Variants in TMEM223 observed in about 807,000 individuals in gnomAD.
TMEM223 encodes the protein transmembrane protein 223.
TMEM223 carries 14 observed loss-of-function variants against 14.1 expected under a neutral mutation model. That is an observed-to-expected ratio of 0.99 (90% CI 0.66 to 1.55). TMEM223 has a LOEUF of 1.55. Ranked by LOEUF, TMEM223 falls within the 40% of genes most tolerant of loss-of-function variation. The pLI is 0.00. For synonymous variants in TMEM223, 145 were observed against 120.5 expected, an observed-to-expected ratio of 1.20 and a Z score of -1.33; for missense variants, 346 against 269.9, an observed-to-expected ratio of 1.28 and a Z score of -1.97.
At chr11:62,788,421 C>T (rs1315771729), downstream of TMEM223, among the ~76,000 whole-genome samples, 2 of 149,006 alleles carry the variant, frequency 1.3e-5, no homozygotes, top group Admixed American at 6.7e-5. Flanking sequence ...AACAAAAACA[C>T]TGGCCGGGCC....
intron 1 of TMEM223, chr11:62,775,790 G>C (rs767130143): frequency 6.2e-7 from 1 of 1,608,238 alleles, no homozygotes; most frequent in Non-Finnish European, 8.5e-7. Flanking sequence ...GGCCATGTCA[G>C]AGCGAGAAGA....
At chr11:62,780,300 C>T (rs1290040653) in intron 1 of TMEM223, among the ~76,000 whole-genome samples, 2 of 150,804 alleles carry the variant, frequency 1.3e-5, no homozygotes, top group African/African-American at 4.9e-5. Flanking sequence ...CACCTGAGGT[C>T]AGGAGTTCAA....
At chr11:62,786,386 C>G, downstream of TMEM223, 2 of 1,613,370 alleles carry the variant, frequency 1.2e-6, no homozygotes, top group Non-Finnish European at 1.7e-6. Context: ...TGGAGCCATT[C>G]TGGTGAGTAC....
chr11:62,786,320 C>T, downstream of TMEM223: 1 of 1,614,174 alleles, frequency 6.2e-7, no homozygotes, highest in Non-Finnish European at 8.5e-7. Context: ...GCAGGCTGTG[C>T]TGGATGATTA....
downstream of TMEM223, among the ~76,000 whole-genome samples, chr11:62,788,776 G>A (rs1287415939): frequency 6.6e-6 from 1 of 151,584 alleles, no homozygotes; most frequent in Non-Finnish European, 1.5e-5. Context: ...CATAACTTGT[G>A]AGGCTTCTCT....
At chr11:62,771,898 C>T (rs1338651505) in exon 3 of TMEM223, 4 of 316,158 alleles carry the variant, frequency 1.3e-5, no homozygotes, top group Admixed American at 4.3e-5. Context: ...ACTGCAGCTT[C>T]ACAACGATCT....
chr11:62,782,071 T>C (rs1407830461), intron 1 of TMEM223: 3 of 1,586,634 alleles, frequency 1.9e-6, no homozygotes, highest in East Asian at 2.2e-5. Flanking sequence ...GGCTCCTGCC[T>C]GTCCCCTCAT....
At chr11:62,781,829 G>A in intron 1 of TMEM223, 1 of 1,341,074 alleles carries the variant, frequency 7.5e-7, no homozygotes, top group Non-Finnish European at 1.1e-6. Flanking sequence ...TCTTCCAGAA[G>A]AATACCGCAT....
chr11:62,787,214 A>G (rs765760734), downstream of TMEM223: 1 of 1,588,270 alleles, frequency 6.3e-7, no homozygotes, highest in East Asian at 2.3e-5. Context: ...CGCTACGTGC[A>G]GAAACTGCCC....
downstream of TMEM223, chr11:62,789,613 C>T (rs1325312038): frequency 6.5e-7 from 1 of 1,546,220 alleles, no homozygotes; most frequent in Non-Finnish European, 8.7e-7. Flanking sequence ...GTTCTGAAGC[C>T]CAGAAAATTC....
chr11:62,775,847 G>T (rs1338630202), intron 1 of TMEM223: 1 of 1,613,666 alleles, frequency 6.2e-7, no homozygotes, highest in Non-Finnish European at 8.5e-7. Context: ...GCTCATGGCG[G>T]AGAGCACGGG....
At chr11:62,772,206 A>AG in intron 2 of TMEM223, 1 of 454,336 alleles carries the variant, frequency 2.2e-6, no homozygotes, top group Non-Finnish European at 4.4e-6. Flanking sequence ...TAAAGCACTT[A>AG]GCTGTGTCTC....
exon 3 of TMEM223, chr11:62,771,975 T>A: frequency 2.6e-6 from 1 of 389,376 alleles, no homozygotes; most frequent in Admixed American, 3.1e-5. Flanking sequence ...GATCCAGGCC[T>A]TGTTCCCCAT....
At chr11:62,787,691 G>T, downstream of TMEM223, 3 of 893,468 alleles carry the variant, frequency 3.4e-6, no homozygotes, top group Non-Finnish European at 5.0e-6. Context: ...GGCTAATCGC[G>T]CTTTGTGGCT....
chr11:62,784,354 G>C (rs908551929), downstream of TMEM223, among the ~76,000 whole-genome samples: 1 of 146,192 alleles, frequency 6.8e-6, no homozygotes, highest in African/African-American at 2.5e-5. Flanking sequence ...ACCCAGGCTG[G>C]AGTCCAGTGG....
At chr11:62,789,037 T>C (rs2084325730), downstream of TMEM223, 6 of 1,612,564 alleles carry the variant, frequency 3.7e-6, no homozygotes, top group South Asian at 1.1e-5. Flanking sequence ...CCTTCAGTGG[T>C]AGATGTCCCC....
intron 2 of TMEM223, among the ~76,000 whole-genome samples, chr11:62,773,619 G>C (rs1198746782): frequency 6.6e-6 from 1 of 151,608 alleles, no homozygotes; most frequent in Non-Finnish European, 1.5e-5. Flanking sequence ...GGCTAATTTT[G>C]TATTTGTAGT....
rs2134692806 is a variant in TMEM223 at position 62,771,783 on chromosome 11, G to A, written c.*323C>T. ...GAGGAGAGGAGGCTGAGGAGCGGGA[G>A]ACTTTGGTCACAGTCTAGATTTCGT... On this transcript the variant is annotated 3_prime_UTR_variant, in exon 3 of 3. Coordinates refer to the TMEM223 transcript ENST00000528367. 3 of 228,002 alleles carry A rather than the reference G, an allele frequency of 1.3e-5. No homozygotes were observed. In the South Asian group the frequency reaches 1.4e-4, roughly 11 times the overall value. The allele number at this position is 228,002 out of a possible 1,614,324, so 14.1% of individuals were successfully genotyped here.
At chr11:62,787,579 A>T (rs1285436153), downstream of TMEM223, 27 of 1,469,364 alleles carry the variant, frequency 1.8e-5, no homozygotes, top group South Asian at 2.7e-5. Context: ...CGGTCTGGAC[A>T]TGGCGAGGCC....
Sources: allele counts gnomAD v4.1 joint callset (sites outside exome capture counted in the v4.1 genomes callset), GRCh38; gene constraint gnomAD v4.1.1; transcripts MANE v1.5; gene names NCBI Gene and HGNC (gene_info 2026-07-23, HGNC 2026-07-21).